The following GSR variants were observed in gnomAD, a reference collection of about 807,000 sequenced individuals.
The protein encoded by GSR is glutathione reductase, mitochondrial.
A neutral mutation model predicts 56.5 loss-of-function variants in GSR; 48 were observed. The ratio of observed to expected loss-of-function variants is 0.85; its 90% CI spans 0.67 to 1.08. The LOEUF (loss-of-function observed/expected upper bound fraction) is 1.08, where lower values mean the gene tolerates loss of function less well. GSR is among the 50% of genes least tolerant of loss of function. GSR has a pLI of 0.00. For synonymous variants in GSR, 264 were observed against 270.8 expected, an observed-to-expected ratio of 0.97 and a Z score of 0.25; for missense variants, 694 against 703.3, an observed-to-expected ratio of 0.99 and a Z score of 0.15.
At position 30,684,126 on chromosome 8, in the gene GSR, G is replaced by T. The variant is rs760445035; in HGVS notation, c.1115C>A (p.Ala372Glu). Residue 372 changes from alanine (A) to glutamate (E), a missense_variant, in exon 10 of 13, where the codon GCA (alanine) becomes GAA (glutamate). Physicochemically the swap from Ala to Glu is moderately radical, Grantham distance 107. Transcript: ENST00000221130. ...FQNTNVKGIYAVGDVCGKALL... is the reference protein window; with the variant it reads ...FQNTNVKGIYEVGDVCGKALL... ...AGCTTTTCCACATACATCCCCAACT[G>T]CATAGATGCCTTTGACGTTGGTATT... is the stretch of plus-strand genomic sequence containing the variant. 1.2e-5 allele frequency: 20 copies of T among 1,605,100 alleles called. No individual in the cohort carries two copies. The African/African-American group carries it at 2.3e-4, about 18-fold the overall frequency.
At position 30,678,813 on chromosome 8, in the gene GSR, T is replaced by C. The variant is rs1802834783; in HGVS notation, c.*707A>G. ...CTTCAAAAAATATATAAAGGTTCTG[T>C]GCACTGGCACTGTTTACATGTGAAG... On this transcript the variant is annotated 3_prime_UTR_variant, in exon 13 of 13. Coordinates refer to ENST00000221130, the MANE Select transcript of GSR (RefSeq NM_000637.5). The C allele has an allele frequency of 6.6e-6, 1 of 152,346 alleles. No homozygotes were observed. Among genetic ancestry groups the C allele is most frequent in the African/African-American group, 2.4e-5 (1 of 41,452 alleles). 9.4% of individuals were successfully genotyped at this position (152,346 alleles called of 1,614,324 possible).
chr8:30,682,055 A>G lies in GSR; in HGVS notation c.1160T>C (p.Ile387Thr), dbSNP rs1288981347. The G allele has an allele frequency of 1.9e-6, 3 of 1,611,832 alleles. No homozygotes were observed. Among genetic ancestry groups the G allele is most frequent in the African/African-American group, 1.3e-5 (1 of 74,892 alleles). ...ATGGGCAAGTTTTCGGCCAGCAGCT[A>G]TTGCAACTATGGAGATATTTTAAAA... ...CGKALLTPVAIAAGRKLAHRL... is the reference protein window; with the variant it reads ...CGKALLTPVATAAGRKLAHRL... The change falls in exon 11 of 13, where the codon ATA (isoleucine) becomes ACA (threonine). Residue 387 changes from isoleucine to threonine, a missense_variant. Physicochemically the swap from Ile to Thr is moderately conservative, Grantham distance 89. Coordinates refer to ENST00000221130, the MANE Select transcript of GSR (RefSeq NM_000637.5).
In GSR at chr8:30,695,813, G is replaced by A. The variant is rs139474208; in HGVS notation, c.795+567C>T. On this transcript the variant is annotated intron_variant, in intron 7 of 12. Transcript: ENST00000221130. ...CCAGCACTTTGGGAGGTCGAGGTGG[G>A]TGGATCACCTGAGGTAGGGAGTTCG... 4.8e-3 allele frequency among the ~76,000 whole-genome samples: 733 copies of A among 152,200 alleles called. 4 individuals are homozygous for A. Among genetic ancestry groups the A allele is most frequent in the African/African-American group, 0.017 (689 of 41,548 alleles).
chr8:30,679,778 T>C, intron 12 of GSR, 109 bp from the exon 13 acceptor site: 5 of 964,538 alleles, frequency 5.2e-6, no homozygotes, highest in Non-Finnish European at 8.0e-6. Flanking sequence ...TGATCTCGGC[T>C]CGCTGCAACC....
intron 1 of GSR, among the ~76,000 whole-genome samples, chr8:30,726,031 G>A (rs1340135276): frequency 6.6e-6 from 1 of 152,186 alleles, no homozygotes; most frequent in Non-Finnish European, 1.5e-5. Flanking sequence ...CTCATGAGGT[G>A]TGGGAGGGGG....
At chr8:30,723,011 A>C (rs1275902117) in intron 1 of GSR, among the ~76,000 whole-genome samples, 1 of 152,112 alleles carries the variant, frequency 6.6e-6, no homozygotes. Context: ...CACATGATCA[A>C]CCCTTACTAC....
intron 1 of GSR, among the ~76,000 whole-genome samples, chr8:30,722,731 C>CAAAAA (rs200083922): frequency 4.4e-5 from 5 of 112,722 alleles, no homozygotes; most frequent in South Asian, 2.9e-4. Context: ...GACCCTGTCT[C>CAAAAA]AAAAAAAAAA....
chr8:30,681,531 A>G (rs76611396), intron 11 of GSR, among the ~76,000 whole-genome samples: 5 of 146,658 alleles, frequency 3.4e-5, no homozygotes, highest in Non-Finnish European at 7.6e-5. Context: ...TCTCAAAAAG[A>G]AAAAAAAAAA....
chr8:30,720,667 AAG>A (rs1554574503), intron 1 of GSR, among the ~76,000 whole-genome samples: 1 of 62,814 alleles, frequency 1.6e-5, no homozygotes. Flanking sequence ...ACTTGAGAAA[AAG>A]AGAAAAAAAA....
chr8:30,682,858 C>T (rs1482929197), intron 10 of GSR, among the ~76,000 whole-genome samples: 3 of 150,868 alleles, frequency 2.0e-5, no homozygotes, highest in East Asian at 1.9e-4. Flanking sequence ...GACAGAGTCT[C>T]GCTCTTGTTG....
chr8:30,698,535 C>T (rs1803623748), intron 6 of GSR, among the ~76,000 whole-genome samples: 1 of 152,170 alleles, frequency 6.6e-6, no homozygotes, highest in Non-Finnish European at 1.5e-5. Context: ...TTTCTTAGAA[C>T]TCCTCCAAGT....
Position 30,703,211 on chromosome 8 carries a change from T to C in GSR, c.522A>G (p.Ala174=), listed in dbSNP as rs148301001. ...KSHIEIIRGH[A]AFTSDPKPTI... is the part of the protein sequence containing the mutation. ...TGGGCTTGGGATCACTCGTGAAGGCTGCATGGCCACGGATGATTTCTATAT... is the reference window on the plus strand; with the variant it reads ...TGGGCTTGGGATCACTCGTGAAGGCCGCATGGCCACGGATGATTTCTATAT... The change falls in exon 5 of 13, where the codon GCA becomes GCG. Residue 174 remains alanine, a synonymous_variant. Transcript: ENST00000221130. 4 of 1,614,102 alleles carry C rather than the reference T, an allele frequency of 2.5e-6. No homozygotes were observed. In the Admixed American group the frequency reaches 5.0e-5, roughly 20 times the overall value.
At chr8:30,691,542 A>G (rs1803377572) in intron 8 of GSR, among the ~76,000 whole-genome samples, 1 of 151,130 alleles carries the variant, frequency 6.6e-6, no homozygotes, top group African/African-American at 2.4e-5. Flanking sequence ...TTAGCCAGGC[A>G]TGGTGGTGCG....
At chr8:30,720,129 G>A (rs375868867) in intron 1 of GSR, among the ~76,000 whole-genome samples, 1 of 152,040 alleles carries the variant, frequency 6.6e-6, no homozygotes, top group African/African-American at 2.4e-5. Context: ...TGGGAGGATC[G>A]TTTGAGCCCA....
At chr8:30,693,508 GA>G (rs1233105072) in intron 7 of GSR, among the ~76,000 whole-genome samples, 8 of 152,154 alleles carry the variant, frequency 5.3e-5, no homozygotes, top group African/African-American at 1.9e-4. Context: ...GGGAGGTCAT[GA>G]GTTATTCACA....
Position 30,681,051 on chromosome 8 carries a change from T to TA in GSR, c.1286-15dup. On this transcript the variant is annotated splice_polypyrimidine_tract_variant and intron_variant, in intron 11 of 12. Transcript: ENST00000221130. ...GAATGGCTTCATCTACAATGCACAT[T>TA]AAAAAAAGCATCTATCAGAAAACTA... 5 of 1,600,132 alleles carry TA rather than the reference T, an allele frequency of 3.1e-6. No homozygotes were observed. The highest frequency in any genetic ancestry group is 4.3e-6 in the Non-Finnish European group (5 of 1,168,438).
chr8:30,706,844 A>G (rs1184063911), intron 4 of GSR: 10 of 152,128 alleles, frequency 6.6e-5, no homozygotes, highest in Non-Finnish European at 1.0e-4. Context: ...CAAATAAACA[A>G]TGGTAGGTTT....
At chr8:30,707,680 T>C (rs2738973) in intron 4 of GSR, among the ~76,000 whole-genome samples, 147,126 of 152,112 alleles carry the variant, frequency 0.97, 71,335 homozygotes, top group East Asian at 1. Context: ...TAGGGCCGGG[T>C]GCAGTGGCTC....
chr8:30,724,445 C>T (rs1804656328), intron 1 of GSR, among the ~76,000 whole-genome samples: 1 of 151,906 alleles, frequency 6.6e-6, no homozygotes, highest in Admixed American at 6.6e-5. Flanking sequence ...ACACTCTGTG[C>T]TCCAAATTTG....
Sources: gnomAD v4.1 joint callset for allele counts (sites outside exome capture counted in the v4.1 genomes callset) on GRCh38, gnomAD v4.1.1 for gene constraint, MANE v1.5 for transcripts, NCBI Gene and HGNC (gene_info 2026-07-23, HGNC 2026-07-21) for gene names.